ANKS1B: variants seen among roughly 807,000 people sequenced by gnomAD.
The protein encoded by ANKS1B is ankyrin repeat and sterile alpha motif domain-containing protein 1B.
A neutral mutation model predicts 148.3 loss-of-function variants in ANKS1B; 36 were observed. That is an observed-to-expected ratio of 0.24 (90% CI 0.19 to 0.32). The LOEUF is 0.32. Among genes scored for constraint, ANKS1B ranks in the 10% least tolerant of loss-of-function variants. ANKS1B has a pLI of 1.00. For missense variants in ANKS1B, 1,157 were observed against 1,542.6 expected (o/e 0.75, Z 4.19); for synonymous variants, 542 against 560.8 (o/e 0.97, Z 0.47).
intron 11 of ANKS1B, among the ~76,000 whole-genome samples, chr12:99,404,255 T>C (rs2094480588): frequency 6.9e-6 from 1 of 145,464 alleles, no homozygotes; most frequent in African/African-American, 2.6e-5. Flanking sequence ...CAAAATAATC[T>C]GTACAACAAA....
chr12:99,135,621 G>T (rs2067773966), intron 15 of ANKS1B, among the ~76,000 whole-genome samples: 1 of 152,152 alleles, frequency 6.6e-6, no homozygotes, highest in Non-Finnish European at 1.5e-5. Context: ...ATTACATCCG[G>T]CCTTGAATGA....
intron 8 of ANKS1B, among the ~76,000 whole-genome samples, chr12:99,678,725 G>T (rs2098596678): frequency 6.6e-6 from 1 of 152,150 alleles, no homozygotes; most frequent in Admixed American, 6.5e-5. Flanking sequence ...ATTATTTATT[G>T]TTGTTTAATT....
intron 8 of ANKS1B, among the ~76,000 whole-genome samples, chr12:99,771,011 G>T (rs1287007389): frequency 6.6e-6 from 1 of 151,828 alleles, no homozygotes; most frequent in Non-Finnish European, 1.5e-5. Flanking sequence ...ACAGTCTTTG[G>T]CTTACAAAAA....
chr12:99,036,510 G>T (rs1459984976), intron 17 of ANKS1B, among the ~76,000 whole-genome samples: 1 of 152,136 alleles, frequency 6.6e-6, no homozygotes, highest in Non-Finnish European at 1.5e-5. Context: ...GCCATCACAT[G>T]GTTGTCATAG....
intron 12 of ANKS1B, among the ~76,000 whole-genome samples, chr12:99,319,363 G>A (rs1040326835): frequency 6.6e-6 from 1 of 152,136 alleles, no homozygotes; most frequent in African/African-American, 2.4e-5. Context: ...CCTGTATTGG[G>A]TGCATATATA....
At chr12:99,034,628 C>T (rs372023844) in intron 17 of ANKS1B, among the ~76,000 whole-genome samples, 22 of 152,146 alleles carry the variant, frequency 1.4e-4, no homozygotes, top group African/African-American at 4.6e-4. Context: ...CAATTTAATC[C>T]GAGGAGTCAT....
At chr12:99,806,805 G>C in intron 3 of ANKS1B, 105 bp from the exon 4 acceptor site, 2 of 1,095,172 alleles carry the variant, frequency 1.8e-6, no homozygotes, top group African/African-American at 1.6e-5. Context: ...TGTAAGTTAA[G>C]ATTTATCCAT....
chr12:99,246,612 C>T lies in ANKS1B; in HGVS notation c.2009G>A (p.Ser670Asn), dbSNP rs747760603. 5.0e-6 allele frequency: 8 copies of T among 1,613,526 alleles called. No homozygotes were observed. The East Asian group carries it at 1.1e-4, about 22-fold the overall frequency. The change falls in exon 13 of 27, where the codon AGT becomes AAT. Residue 670 changes from serine to asparagine, a missense_variant. Ser to Asn is a conservative substitution (Grantham distance 46). This residue lies in a region of ANKS1B where 661 missense variants were observed against 642.1 expected (regional missense o/e 1.03). Transcript: ENST00000683438. ...GCTTTTTTTGTGAAAAATTGTTCTA[C>T]TGACCACTTTGGGTTTAATTTTCTT... ...LVKKIKPKVV[S>N]RTIFHKKSNQ...
chr12:99,297,937 C>T (rs528395959), intron 12 of ANKS1B, among the ~76,000 whole-genome samples: 9 of 151,816 alleles, frequency 5.9e-5, no homozygotes, highest in African/African-American at 1.2e-4. Context: ...AATTAATCCA[C>T]GTTTTTATAA....
chr12:99,459,098 T>C (rs918964384), intron 10 of ANKS1B, among the ~76,000 whole-genome samples: 1 of 152,162 alleles, frequency 6.6e-6, no homozygotes, highest in Non-Finnish European at 1.5e-5. Flanking sequence ...AATGCAGGGA[T>C]GGTTTAACAT....
At chr12:99,817,432 C>G (rs2082011774) in intron 2 of ANKS1B, among the ~76,000 whole-genome samples, 1 of 151,578 alleles carries the variant, frequency 6.6e-6, no homozygotes, top group African/African-American at 2.4e-5. Context: ...GTAGGTTGAT[C>G]CCATATCTTA....
intron 12 of ANKS1B, among the ~76,000 whole-genome samples, chr12:99,322,149 A>G (rs1037034402): frequency 6.6e-6 from 1 of 152,230 alleles, no homozygotes; most frequent in Non-Finnish European, 1.5e-5. Context: ...AATGTGGTAC[A>G]TATATACCAT....
chr12:99,667,779 C>A (rs990420418), intron 8 of ANKS1B, among the ~76,000 whole-genome samples: 5 of 152,170 alleles, frequency 3.3e-5, no homozygotes, highest in Non-Finnish European at 7.4e-5. Context: ...TGAATAGATG[C>A]TTTTCTACAA....
rs374516794 is a variant in ANKS1B, at chr12:99,154,385, G to A, written c.2430C>T (p.Cys810=). The A allele has an allele frequency of 9.3e-6, 15 of 1,613,654 alleles. No individual in the cohort carries two copies. Among genetic ancestry groups the A allele is most frequent in the Admixed American group, 1.7e-5 (1 of 59,966 alleles). ...ACCATTGTCCCACTGTTTGGACAGG[G>A]CATCTGGGTCCTGTAAGAGGATGAA... ...EMNGETTRPR[C]PVQTVGQWLE... Residue 810 remains cysteine, a synonymous_variant, in exon 15 of 27, where the codon TGC becomes TGT. Coordinates refer to ENST00000683438, the MANE Select transcript of ANKS1B (RefSeq NM_001352186.2).
At chr12:99,680,732 GGTAGGCTT>G (rs1219535882) in intron 8 of ANKS1B, among the ~76,000 whole-genome samples, 1 of 152,098 alleles carries the variant, frequency 6.6e-6, no homozygotes, top group Non-Finnish European at 1.5e-5. Context: ...GCTCTTAGTG[GGTAGGCTT>G]GTAGCCTGGT....
rs1295401146 is a variant in ANKS1B at position 99,812,327 on chromosome 12, C to G, written c.216-16G>C. ...AACTATGTCCCTAAAAAGGAAAAAACAACAACAACAAAATAGGCTGAGCAA... is the reference window on the plus strand; with the variant it reads ...AACTATGTCCCTAAAAAGGAAAAAAGAACAACAACAAAATAGGCTGAGCAA... On this transcript the variant is annotated splice_polypyrimidine_tract_variant and intron_variant, in intron 2 of 26. Transcript: ENST00000683438. 6.2e-7 allele frequency: 1 copy of G among 1,604,288 alleles called. No individual in the cohort carries two copies. The highest frequency in any genetic ancestry group is 8.5e-7 in the Non-Finnish European group (1 of 1,174,970).
chr12:99,199,298 A>G (rs982857319), intron 14 of ANKS1B, among the ~76,000 whole-genome samples: 2 of 152,226 alleles, frequency 1.3e-5, no homozygotes, highest in Non-Finnish European at 2.9e-5. Flanking sequence ...AGCAATAGAT[A>G]ACTAGTATTC....
intron 11 of ANKS1B, among the ~76,000 whole-genome samples, chr12:99,417,657 C>T (rs892552908): frequency 6.6e-6 from 1 of 152,126 alleles, no homozygotes; most frequent in African/African-American, 2.4e-5. Flanking sequence ...CTTTGCTACA[C>T]TGAGTCTTCT....
At chr12:98,910,283 G>A (rs578085049) in intron 17 of ANKS1B, among the ~76,000 whole-genome samples, 5 of 152,224 alleles carry the variant, frequency 3.3e-5, no homozygotes, top group South Asian at 2.1e-4. Flanking sequence ...CTCAGTCTAC[G>A]TATCTTCATG....
Sources: gnomAD v4.1 joint callset for allele counts (sites outside exome capture counted in the v4.1 genomes callset) on GRCh38, gnomAD v4.1.1 for gene constraint, gnomAD v4.1.1 regional missense constraint, MANE v1.5 for transcripts, NCBI Gene and HGNC (gene_info 2026-07-23, HGNC 2026-07-21) for gene names.